ICA1: variants seen among roughly 807,000 people sequenced by gnomAD.
ICA1 encodes 69 kDa islet cell autoantigen.
Under a neutral mutation model 71.0 loss-of-function variants are expected in ICA1, and 40 were observed. The observed-to-expected ratio is 0.56, with a 90% CI of 0.44 to 0.73. ICA1 has a LOEUF of 0.73. Among genes scored for constraint, ICA1 ranks in the 30% least tolerant of loss-of-function variants. The pLI, the probability that ICA1 is intolerant of heterozygous loss-of-function variation, is 0.00. For missense variants in ICA1, 578 were observed against 576.5 expected, an observed-to-expected ratio of 1.00 and a Z score of -0.03; for synonymous variants, 207 against 209.5, an observed-to-expected ratio of 0.99 and a Z score of 0.10.
intron 1 of ICA1, among the ~76,000 whole-genome samples, chr7:8,247,751 T>C (rs1806598427): frequency 6.6e-6 from 1 of 152,212 alleles, no homozygotes. Context: ...ACGCTTGTTC[T>C]GACCTAGAAC....
intron 6 of ICA1, among the ~76,000 whole-genome samples, chr7:8,165,341 C>T (rs540349069): frequency 2.4e-4 from 37 of 152,288 alleles, no homozygotes; most frequent in African/African-American, 8.7e-4. Context: ...AATGTGTGTG[C>T]ACCACACATG....
chr7:8,136,949 G>A (rs764822981), intron 12 of ICA1, among the ~76,000 whole-genome samples: 1 of 152,138 alleles, frequency 6.6e-6, no homozygotes, highest in Non-Finnish European at 1.5e-5. Context: ...ATCGCAGGCA[G>A]TGCCATTTCT....
At chr7:8,122,499 C>A (rs966164475) in intron 13 of ICA1, among the ~76,000 whole-genome samples, 1 of 152,272 alleles carries the variant, frequency 6.6e-6, no homozygotes. Context: ...TGCTCCTCAG[C>A]AGGCATAGGA....
intron 6 of ICA1, among the ~76,000 whole-genome samples, chr7:8,197,886 T>A (rs1425005606): frequency 1.3e-5 from 2 of 152,104 alleles, no homozygotes; most frequent in Non-Finnish European, 2.9e-5. Context: ...GAACTGATGG[T>A]TTGGATACCT....
At chr7:8,168,432 A>C (rs1218885788) in intron 6 of ICA1, among the ~76,000 whole-genome samples, 1 of 152,170 alleles carries the variant, frequency 6.6e-6, no homozygotes, top group Admixed American at 6.6e-5. Context: ...AATAAATATC[A>C]GATCCAGACT....
At chr7:8,116,534 A>G (rs907207019) in intron 13 of ICA1, 4 of 152,248 alleles carry the variant, frequency 2.6e-5, no homozygotes, top group African/African-American at 9.6e-5. Flanking sequence ...GATTCTGAAA[A>G]GCAAATAAAC....
At chr7:8,151,311 A>T (rs1798724492) in intron 8 of ICA1, among the ~76,000 whole-genome samples, 1 of 152,220 alleles carries the variant, frequency 6.6e-6, no homozygotes, top group Non-Finnish European at 1.5e-5. Context: ...TGGGAGAACC[A>T]ATGCCAGTCG....
rs1797362566 is a variant in ICA1, at chr7:8,222,318, A to AC, written c.257-921dup. Among the ~76,000 whole-genome samples, 1 of 152,182 alleles carries AC rather than the reference A, an allele frequency of 6.6e-6. No homozygotes were observed. The highest frequency in any genetic ancestry group is 2.4e-5 in the African/African-American group (1 of 41,444). On this transcript the variant is annotated intron_variant, in intron 4 of 13. Transcript: ENST00000402384. This position sits in a 1 kb window ranked among gnomAD's most constrained non-coding sequence, Gnocchi z 4.8. ...ACACACCAGCAGCCAAGCCACAGGC[A>AC]CCAGAGTGACACTTAGCTTCCTCGG...
At chr7:8,195,564 A>G (rs1437614274) in intron 6 of ICA1, among the ~76,000 whole-genome samples, 1 of 151,958 alleles carries the variant, frequency 6.6e-6, no homozygotes, top group Non-Finnish European at 1.5e-5. Flanking sequence ...AAAAACAAAA[A>G]CAAAAACAAA....
At chr7:8,140,913 T>G (rs1795011053) in intron 10 of ICA1, among the ~76,000 whole-genome samples, 1 of 152,184 alleles carries the variant, frequency 6.6e-6, no homozygotes, top group African/African-American at 2.4e-5. Flanking sequence ...CTCCTTTGCC[T>G]CCTCCTATCT....
At chr7:8,181,049 A>C (rs1237845436) in intron 6 of ICA1, among the ~76,000 whole-genome samples, 1 of 151,976 alleles carries the variant, frequency 6.6e-6, no homozygotes, top group Non-Finnish European at 1.5e-5. Context: ...AGAACTCTTT[A>C]TCTGTTCTAA....
At chr7:8,221,164 G>T in intron 5 of ICA1, 111 bp downstream of exon 5, 1 of 1,339,888 alleles carries the variant, frequency 7.5e-7, no homozygotes, top group Admixed American at 1.8e-5. Flanking sequence ...CAGCTCCTCA[G>T]CCTCAGGCAA....
At position 8,228,647 on chromosome 7, in the gene ICA1, A is replaced by T; in HGVS notation, c.210T>A (p.Cys70Ter). ...GTACAATTGCTTTCGATAAGTCCAG[A>T]CAGGTTCTCTGAATTGAATGAAACA... ...LELFHSIQRT[C>*]LDLSKAIVLY... The change falls in exon 4 of 14, where the codon TGT (cysteine) becomes TGA (stop). Residue 70 changes from cysteine to a stop codon, truncating the protein, a stop_gained. Coordinates refer to ENST00000402384, the MANE Select transcript of ICA1 (RefSeq NM_001136020.3). LOFTEE classifies it high-confidence loss of function. 1 of 1,601,608 alleles carries T rather than the reference A, an allele frequency of 6.2e-7. No homozygotes were observed. The highest frequency in any genetic ancestry group is 8.5e-7 in the Non-Finnish European group (1 of 1,173,826).
At chr7:8,242,156 A>G (rs1468921141) in intron 1 of ICA1, among the ~76,000 whole-genome samples, 3 of 152,222 alleles carry the variant, frequency 2.0e-5, no homozygotes, top group African/African-American at 7.2e-5. Context: ...AATTGAACAC[A>G]TAACTGGAAA....
At chr7:8,190,204 C>T (rs1247242772) in intron 6 of ICA1, among the ~76,000 whole-genome samples, 1 of 151,814 alleles carries the variant, frequency 6.6e-6, no homozygotes, top group Non-Finnish European at 1.5e-5. Context: ...AAATTGAATT[C>T]TCAGTTTCTT....
At chr7:8,235,853 A>G in intron 2 of ICA1, 57 bp downstream of exon 2, 1 of 1,548,430 alleles carries the variant, frequency 6.5e-7, no homozygotes, top group South Asian at 1.1e-5. Flanking sequence ...ATGTTTATTG[A>G]TCATATGCTA....
chr7:8,158,427 T>G (rs1802506252), intron 7 of ICA1, 100 bp downstream of exon 7: 1 of 1,489,858 alleles, frequency 6.7e-7, no homozygotes, highest in Non-Finnish European at 9.2e-7. Context: ...CATTCAGAAC[T>G]TCACAATGGC....
rs1790987500 is a variant in ICA1 at position 8,130,350 on chromosome 7, G to A, written c.1061-2208C>T. Among the ~76,000 whole-genome samples the A allele has an allele frequency of 6.6e-6, 1 of 152,216 alleles. No individual in the cohort carries two copies. The highest frequency in any genetic ancestry group is 2.1e-4 in the South Asian group (1 of 4,832). The stretch of plus-strand genomic sequence containing the variant: ...CAGGTGGCCCACCTCTGTGGATGAA[G>A]GCAGGAGCTGAAGGAAAGGAAAGCA... On this transcript the variant is annotated intron_variant, in intron 12 of 13. Transcript: ENST00000402384. The surrounding 1 kb of genome is among the most constrained non-coding windows in gnomAD (Gnocchi z 4.2).
intron 12 of ICA1, among the ~76,000 whole-genome samples, chr7:8,137,688 A>C (rs2128109843): frequency 6.6e-6 from 1 of 152,362 alleles, no homozygotes; most frequent in Non-Finnish European, 1.5e-5. Flanking sequence ...ATTCATGGGC[A>C]TTCACACAGT....
Sources: gnomAD v4.1 joint callset for allele counts (sites outside exome capture counted in the v4.1 genomes callset) on GRCh38, gnomAD v4.1.1 for gene constraint, Gnocchi (gnomAD v3.1) non-coding constraint, MANE v1.5 for transcripts, NCBI Gene and HGNC (gene_info 2026-07-23, HGNC 2026-07-21) for gene names.